Variants in MARCHF11 observed in about 807,000 individuals in gnomAD.
The protein encoded by MARCHF11 is membrane associated ring-CH-type finger 11, also known as E3 ubiquitin-protein ligase MARCHF11.
In MARCHF11, 29 loss-of-function variants were observed where a neutral mutation model predicts 37.3. That is an observed-to-expected ratio of 0.78 (90% CI 0.58 to 1.06). MARCHF11 has a LOEUF of 1.06. Ranked by LOEUF, MARCHF11 falls within the 50% of genes least tolerant of loss-of-function variation. MARCHF11 has a pLI of 0.00. For synonymous variants in MARCHF11, 233 were observed against 228.0 expected, an observed-to-expected ratio of 1.02 and a Z score of -0.20; for missense variants, 482 against 533.4, an observed-to-expected ratio of 0.90 and a Z score of 0.95.
chr5:16,101,018 G>A lies in MARCHF11; in HGVS notation c.694-9937C>T, dbSNP rs142707524. Among the ~76,000 whole-genome samples the A allele has an allele frequency of 2.8e-3, 424 of 151,780 alleles. 4 individuals are homozygous for A. The highest frequency in any genetic ancestry group is 9.2e-3 in the African/African-American group (379 of 41,348). ...ACTGACTTGCAAGTATTAATTTGCC[G>A]ACTACAGGGTACAGAGTCCACAGAA... is the stretch of plus-strand genomic sequence containing the variant. On this transcript the variant is annotated intron_variant, in intron 2 of 3. Coordinates refer to ENST00000332432, the MANE Select transcript of MARCHF11 (RefSeq NM_001102562.3).
At chr5:16,117,568 A>G (rs1269707656) in intron 2 of MARCHF11, among the ~76,000 whole-genome samples, 1 of 152,216 alleles carries the variant, frequency 6.6e-6, no homozygotes, top group East Asian at 1.9e-4. Context: ...CAACAGGCCC[A>G]ACAGAAGTTG....
intron 2 of MARCHF11, among the ~76,000 whole-genome samples, chr5:16,098,070 GA>G (rs1408554937): frequency 1.3e-5 from 2 of 152,216 alleles, no homozygotes; most frequent in East Asian, 3.9e-4. Flanking sequence ...GACCATATTA[GA>G]AATAAAAATA....
At chr5:16,137,066 A>G (rs962987115) in intron 2 of MARCHF11, among the ~76,000 whole-genome samples, 9 of 152,214 alleles carry the variant, frequency 5.9e-5, no homozygotes, top group African/African-American at 2.2e-4. Flanking sequence ...AAATATGGTT[A>G]CAGTATTAAA....
rs1560964931 is a variant in MARCHF11, at chr5:16,067,574, C to A, written c.1106G>T (p.Cys369Phe). The change falls in exon 4 of 4, where the codon TGT (cysteine) becomes TTT (phenylalanine). Residue 369 changes from cysteine to phenylalanine, a missense_variant. Physicochemically the swap from Cys to Phe is radical, Grantham distance 205. Coordinates refer to ENST00000332432, the MANE Select transcript of MARCHF11 (RefSeq NM_001102562.3). The stretch of plus-strand genomic sequence containing the variant: ...GAACAGGTGCAATAACACATAGCCA[C>A]ACTGAAACCTTGGTGAGGTTAACTG... ...PTQLTSPRFQ[C>F]GYVLLHLFNR... The A allele has an allele frequency of 6.2e-7, 1 of 1,613,976 alleles. No homozygotes were observed. Among genetic ancestry groups the A allele is most frequent in the Non-Finnish European group, 8.5e-7 (1 of 1,179,860 alleles).
intron 2 of MARCHF11, among the ~76,000 whole-genome samples, chr5:16,144,640 G>A (rs1737772189): frequency 6.6e-6 from 1 of 152,154 alleles, no homozygotes; most frequent in African/African-American, 2.4e-5. Context: ...AACACACAGA[G>A]GAATGTACAG....
chr5:16,137,479 T>C (rs1737627408), intron 2 of MARCHF11, among the ~76,000 whole-genome samples: 1 of 152,200 alleles, frequency 6.6e-6, no homozygotes, highest in African/African-American at 2.4e-5. Context: ...AACCTCTTTC[T>C]TTATAAATTA....
In MARCHF11 at chr5:16,133,688, G is replaced by T. The variant is rs374374735; in HGVS notation, c.694-42607C>A. On this transcript the variant is annotated intron_variant, in intron 2 of 3. Transcript: ENST00000332432. Reference sequence around the variant, plus strand: ...ACACATTTGCAAAAACATGAAAAAAGTTGAAATATTTAAAACAGAGTGTCC... The same window carrying T: ...ACACATTTGCAAAAACATGAAAAAATTTGAAATATTTAAAACAGAGTGTCC... Among the ~76,000 whole-genome samples, 5 of 151,864 alleles carry T rather than the reference G, an allele frequency of 3.3e-5. 1 individual carries two copies. Among genetic ancestry groups the T allele is most frequent in the East Asian group, 1.9e-4 (1 of 5,160 alleles).
intron 2 of MARCHF11, among the ~76,000 whole-genome samples, chr5:16,155,866 T>C (rs1737971151): frequency 6.6e-6 from 1 of 151,920 alleles, no homozygotes; most frequent in Non-Finnish European, 1.5e-5. Flanking sequence ...TGTGCTTCTT[T>C]TCTGAGCTCA....
chr5:16,106,764 C>T (rs1211461151), intron 2 of MARCHF11, among the ~76,000 whole-genome samples: 1 of 152,116 alleles, frequency 6.6e-6, no homozygotes, highest in Non-Finnish European at 1.5e-5. Flanking sequence ...TGATAAACAT[C>T]CTACGATGGA....
At chr5:16,170,065 T>C (rs1321459814) in intron 2 of MARCHF11, among the ~76,000 whole-genome samples, 2 of 152,108 alleles carry the variant, frequency 1.3e-5, no homozygotes, top group Admixed American at 1.3e-4. Context: ...GAAAATCATT[T>C]TTGAAGTTAT....
At chr5:16,140,323 A>G (rs1737681228) in intron 2 of MARCHF11, among the ~76,000 whole-genome samples, 1 of 152,198 alleles carries the variant, frequency 6.6e-6, no homozygotes, top group African/African-American at 2.4e-5. Context: ...AAGTCAGAAT[A>G]TAGAAACAAC....
intron 2 of MARCHF11, among the ~76,000 whole-genome samples, chr5:16,100,395 C>T (rs1736935946): frequency 6.6e-6 from 1 of 152,152 alleles, no homozygotes; most frequent in Non-Finnish European, 1.5e-5. Context: ...AAAAGGAATA[C>T]CAGACCAGGG....
intron 2 of MARCHF11, among the ~76,000 whole-genome samples, chr5:16,143,006 T>C (rs1579409066): frequency 6.7e-6 from 1 of 149,914 alleles, no homozygotes. Flanking sequence ...TCCCAAAGTG[T>C]TGGGATTACA....
At chr5:16,071,631 C>T (rs1441376698) in intron 3 of MARCHF11, among the ~76,000 whole-genome samples, 2 of 152,140 alleles carry the variant, frequency 1.3e-5, no homozygotes, top group Non-Finnish European at 2.9e-5. Context: ...CTCACATACT[C>T]GTGCACACAC....
intron 2 of MARCHF11, among the ~76,000 whole-genome samples, chr5:16,101,032 G>A (rs1736945952): frequency 6.6e-6 from 1 of 151,406 alleles, no homozygotes; most frequent in African/African-American, 2.4e-5. Flanking sequence ...ACAGGGTACA[G>A]AGTCCACAGA....
At chr5:16,105,709 T>C (rs1737028625) in intron 2 of MARCHF11, among the ~76,000 whole-genome samples, 1 of 152,074 alleles carries the variant, frequency 6.6e-6, no homozygotes, top group African/African-American at 2.4e-5. Flanking sequence ...GAAGCATCTA[T>C]AGAAGTTCAT....
chr5:16,153,233 T>C (rs1468984655), intron 2 of MARCHF11, among the ~76,000 whole-genome samples: 1 of 151,972 alleles, frequency 6.6e-6, no homozygotes, highest in Non-Finnish European at 1.5e-5. Flanking sequence ...AAGAGATTTA[T>C]CCATGTAGAA....
chr5:16,087,510 C>T (rs531868121), intron 3 of MARCHF11, among the ~76,000 whole-genome samples: 1 of 152,292 alleles, frequency 6.6e-6, no homozygotes, highest in South Asian at 2.1e-4. Context: ...CCACTTGTGG[C>T]TATTTAAATT....
chr5:16,165,328 C>G (rs1738151432), intron 2 of MARCHF11, among the ~76,000 whole-genome samples: 1 of 152,060 alleles, frequency 6.6e-6, no homozygotes, highest in Non-Finnish European at 1.5e-5. Context: ...GCCATACACT[C>G]TGAACCCAGT....
Sources: gnomAD v4.1 joint callset for allele counts (sites outside exome capture counted in the v4.1 genomes callset) on GRCh38, gnomAD v4.1.1 for gene constraint, MANE v1.5 for transcripts, NCBI Gene and HGNC (gene_info 2026-07-23, HGNC 2026-07-21) for gene names.